NR1I2: variants seen among roughly 807,000 people sequenced by gnomAD.
NR1I2 encodes nuclear receptor subfamily 1 group I member 2.
A neutral mutation model predicts 43.3 loss-of-function variants in NR1I2; 42 were observed. The observed-to-expected ratio is 0.97, with a 90% CI of 0.76 to 1.26. NR1I2 has a LOEUF of 1.26. Among genes scored for constraint, NR1I2 ranks in the 50% most tolerant of loss-of-function variants. The pLI is 0.00. For synonymous variants in NR1I2, 229 were observed against 215.0 expected, an observed-to-expected ratio of 1.06 and a Z score of -0.57; for missense variants, 559 against 566.7, an observed-to-expected ratio of 0.99 and a Z score of 0.14.
chr3:119,787,208 A>G (rs1005513767), intron 1 of NR1I2, among the ~76,000 whole-genome samples: 11 of 152,078 alleles, frequency 7.2e-5, no homozygotes, highest in South Asian at 4.1e-4. Context: ...GAATCATTTG[A>G]ACCCAGAAGG....
chr3:119,797,213 T>TGTGTGTGG (rs1209563647), intron 1 of NR1I2, among the ~76,000 whole-genome samples: 1 of 151,530 alleles, frequency 6.6e-6, no homozygotes, highest in Non-Finnish European at 1.5e-5. Context: ...TGTGTGTGTG[T>TGTGTGTGG]GTGTCCCCTT....
chr3:119,793,089 G>A (rs1021703295), intron 1 of NR1I2, among the ~76,000 whole-genome samples: 1 of 152,032 alleles, frequency 6.6e-6, no homozygotes, highest in Non-Finnish European at 1.5e-5. Flanking sequence ...TGACATGCCG[G>A]CTCGCACTTC....
At chr3:119,801,125 C>T (rs911918055) in intron 1 of NR1I2, among the ~76,000 whole-genome samples, 2 of 152,094 alleles carry the variant, frequency 1.3e-5, no homozygotes, top group East Asian at 1.9e-4. Flanking sequence ...ATTTTAGTCA[C>T]GTAGAAAGAC....
chr3:119,789,020 A>G (rs1466670475), intron 1 of NR1I2, among the ~76,000 whole-genome samples: 1 of 152,198 alleles, frequency 6.6e-6, no homozygotes, highest in Non-Finnish European at 1.5e-5. Flanking sequence ...TTGCATTTTC[A>G]TAAGCTCCTG....
At chr3:119,806,112 C>A (rs997324357) in intron 1 of NR1I2, among the ~76,000 whole-genome samples, 1 of 152,166 alleles carries the variant, frequency 6.6e-6, no homozygotes, top group Admixed American at 6.5e-5. Flanking sequence ...GCATCGTCAT[C>A]TGTGGTGGTG....
At chr3:119,799,010 T>A (rs2055040328) in intron 1 of NR1I2, among the ~76,000 whole-genome samples, 1 of 152,270 alleles carries the variant, frequency 6.6e-6, no homozygotes, top group Non-Finnish European at 1.5e-5. Context: ...AACATTTGTG[T>A]GCAGTTTTTG....
At chr3:119,798,099 T>C (rs2055024807) in intron 1 of NR1I2, among the ~76,000 whole-genome samples, 1 of 152,214 alleles carries the variant, frequency 6.6e-6, no homozygotes, top group Admixed American at 6.5e-5. Context: ...AAAAACTTCT[T>C]GGCAAGTGTG....
intron 1 of NR1I2, among the ~76,000 whole-genome samples, chr3:119,786,187 T>C (rs2054840706): frequency 6.6e-6 from 1 of 152,202 alleles, no homozygotes; most frequent in South Asian, 2.1e-4. Flanking sequence ...TCAGGGAACG[T>C]GGACAACATT....
At chr3:119,795,668 C>G (rs1040785990) in intron 1 of NR1I2, among the ~76,000 whole-genome samples, 11 of 152,176 alleles carry the variant, frequency 7.2e-5, no homozygotes, top group Non-Finnish European at 1.2e-4. Context: ...CTTCTTGACT[C>G]TTTCTAAACT....
chr3:119,816,715 G>A (rs1231506768), intron 8 of NR1I2, among the ~76,000 whole-genome samples: 1 of 152,000 alleles, frequency 6.6e-6, no homozygotes, highest in Admixed American at 6.5e-5. Context: ...TAGCTACCCA[G>A]GAGGCTGAGG....
intron 1 of NR1I2, among the ~76,000 whole-genome samples, chr3:119,784,942 G>T (rs2054824188): frequency 6.6e-6 from 1 of 151,996 alleles, no homozygotes; most frequent in African/African-American, 2.4e-5. Flanking sequence ...TTACCTTATG[G>T]AATTCTCTTA....
intron 1 of NR1I2, 148 bp from the exon 2 acceptor site, chr3:119,807,080 AT>A: frequency 1.4e-6 from 1 of 712,200 alleles, no homozygotes; most frequent in Non-Finnish European, 2.5e-6. Flanking sequence ...TCCAACCCCC[AT>A]TCCCCGCTTT....
intron 6 of NR1I2, 58 bp downstream of exon 6, chr3:119,815,179 G>A (rs1235916710): frequency 4.3e-6 from 7 of 1,611,828 alleles, no homozygotes; most frequent in Non-Finnish European, 5.1e-6. Context: ...AGTTATGGGA[G>A]GAAGGGAGCT....
intron 1 of NR1I2, among the ~76,000 whole-genome samples, chr3:119,786,225 G>T (rs377104768): frequency 1.3e-5 from 2 of 152,170 alleles, no homozygotes; most frequent in Non-Finnish European, 2.9e-5. Context: ...TGGTTGCCAC[G>T]TTCTGTTTGT....
chr3:119,806,100 A>C (rs909199199), intron 1 of NR1I2, among the ~76,000 whole-genome samples: 6 of 152,200 alleles, frequency 3.9e-5, no homozygotes, highest in South Asian at 2.1e-4. Flanking sequence ...GCATTAGAAA[A>C]AGCATCGTCA....
chr3:119,788,645 C>A (rs2054876836), intron 1 of NR1I2, among the ~76,000 whole-genome samples: 1 of 151,756 alleles, frequency 6.6e-6, no homozygotes, highest in Admixed American at 6.6e-5. Context: ...ACTGTATTGC[C>A]CAGACTTGTC....
chr3:119,782,600 C>A (rs1577264626), intron 1 of NR1I2: 4 of 622,908 alleles, frequency 6.4e-6, no homozygotes, highest in Non-Finnish European at 1.2e-5. Context: ...CACATACAAC[C>A]AGCTCCCTGT....
chr3:119,796,506 T>C (rs1218221316), intron 1 of NR1I2, among the ~76,000 whole-genome samples: 1 of 152,254 alleles, frequency 6.6e-6, no homozygotes, highest in African/African-American at 2.4e-5. Context: ...AGCCTTGTAC[T>C]GCTCTCCCCT....
At chr3:119,813,444 C>G (rs1307356131) in intron 5 of NR1I2, among the ~76,000 whole-genome samples, 1 of 152,188 alleles carries the variant, frequency 6.6e-6, no homozygotes, top group Non-Finnish European at 1.5e-5. Flanking sequence ...GTGGAGGCAA[C>G]AACCATCGGG....
Sources: allele counts gnomAD v4.1 joint callset (sites outside exome capture counted in the v4.1 genomes callset), GRCh38; gene constraint gnomAD v4.1.1; transcripts MANE v1.5; gene names NCBI Gene and HGNC (gene_info 2026-07-23, HGNC 2026-07-21).